ARHGAP20: variants seen among roughly 807,000 people sequenced by gnomAD.
ARHGAP20 encodes rho GTPase-activating protein 20.
Under a neutral mutation model 73.7 loss-of-function variants are expected in ARHGAP20, and 34 were observed. That is an observed-to-expected ratio of 0.46 (90% CI 0.35 to 0.61). The LOEUF is 0.61. Ranked by LOEUF, ARHGAP20 falls within the 20% of genes least tolerant of loss-of-function variation. The pLI, the probability that ARHGAP20 is intolerant of heterozygous loss-of-function variation, is 0.00. For synonymous variants in ARHGAP20, 523 were observed against 518.2 expected (o/e 1.01, Z -0.13); for missense variants, 1,314 against 1,420.9 (o/e 0.92, Z 1.21).
chr11:110,689,244 G>A (rs1024405088), intron 2 of ARHGAP20, among the ~76,000 whole-genome samples: 2 of 151,654 alleles, frequency 1.3e-5, no homozygotes, highest in African/African-American at 2.4e-5. Flanking sequence ...CTCGTGACCC[G>A]CCCGCCTTGG....
chr11:110,630,232 C>CCTATA (rs1357913102), intron 3 of ARHGAP20, among the ~76,000 whole-genome samples: 1 of 152,148 alleles, frequency 6.6e-6, no homozygotes, highest in East Asian at 1.9e-4. Flanking sequence ...CCTGACTACA[C>CCTATA]CTACCTAACA....
chr11:110,708,033 T>C (rs1950581055), intron 1 of ARHGAP20, among the ~76,000 whole-genome samples: 1 of 151,916 alleles, frequency 6.6e-6, no homozygotes, highest in South Asian at 2.1e-4. Flanking sequence ...TTTTGAAAGA[T>C]ACTCTTAAGA....
chr11:110,661,794 G>A (rs1033130539), intron 2 of ARHGAP20, among the ~76,000 whole-genome samples: 1 of 152,136 alleles, frequency 6.6e-6, no homozygotes, highest in African/African-American at 2.4e-5. Flanking sequence ...TACGTCACTA[G>A]CAAGAATGGG....
At chr11:110,687,035 CATATATAT>C (rs142490183) in intron 2 of ARHGAP20, among the ~76,000 whole-genome samples, 1,564 of 122,014 alleles carry the variant, frequency 0.013, 40 homozygotes, top group South Asian at 0.02. Context: ...AAGATTAAAA[CATATATAT>C]ATATATATAT....
At position 110,582,441 on chromosome 11, in the gene ARHGAP20, A is replaced by T; in HGVS notation, c.1606-6T>A. The T allele has an allele frequency of 6.5e-7, 1 of 1,545,380 alleles. No individual in the cohort carries two copies. The highest frequency in any genetic ancestry group is 8.9e-7 in the Non-Finnish European group (1 of 1,118,508). On this transcript the variant is annotated splice_region_variant and splice_polypyrimidine_tract_variant and intron_variant, in intron 13 of 14. Coordinates refer to ENST00000683387, the MANE Select transcript of ARHGAP20 (RefSeq NM_001384657.1). ...AATTGTATAAGCAGGGAAACCTGTA[A>T]GAAAAAGGACAAACGAAGTATTACT...
chr11:110,580,992 T>C lies in ARHGAP20; in HGVS notation c.1954A>G (p.Lys652Glu), dbSNP rs1325293656. 6.2e-7 allele frequency: 1 copy of C among 1,614,098 alleles called. No individual in the cohort carries two copies. Among genetic ancestry groups the C allele is most frequent in the African/African-American group, 1.3e-5 (1 of 74,932 alleles). The change falls in exon 15 of 15, where the codon AAA becomes GAA. Residue 652 changes from lysine to glutamate, a missense_variant. Coordinates refer to ENST00000683387, the MANE Select transcript of ARHGAP20 (RefSeq NM_001384657.1). The part of the protein sequence containing the change: ...AHSKDEDVQM[K>E]RPLESKPVNI... ...ACCGGCTTGGATTCAAGAGGCCGTT[T>C]CATTTGAACATCTTCATCTTTAGAA...
rs112422197 is a variant in ARHGAP20 at position 110,639,246 on chromosome 11, C to G, written c.189-8454G>C. Reference sequence around the variant, plus strand: ...CTCATATTTTATTCGATACCCCCCCCCCACAAGAGTTTTAAAAAACATTTG... The same window carrying G: ...CTCATATTTTATTCGATACCCCCCCGCCACAAGAGTTTTAAAAAACATTTG... On this transcript the variant is annotated intron_variant, in intron 2 of 14. Coordinates refer to ENST00000683387, the MANE Select transcript of ARHGAP20 (RefSeq NM_001384657.1). Among the ~76,000 whole-genome samples, 46 of 150,494 alleles carry G rather than the reference C, an allele frequency of 3.1e-4. 1 individual carries two copies. The highest frequency in any genetic ancestry group is 2.6e-3 in the Admixed American group (39 of 15,164).
intron 9 of ARHGAP20, among the ~76,000 whole-genome samples, chr11:110,604,222 T>C (rs1948171737): frequency 6.6e-6 from 1 of 152,172 alleles, no homozygotes. Context: ...TCAAATTCTT[T>C]TGTATTTAAA....
At chr11:110,634,473 T>A (rs1212324921) in intron 2 of ARHGAP20, among the ~76,000 whole-genome samples, 1 of 152,140 alleles carries the variant, frequency 6.6e-6, no homozygotes, top group Non-Finnish European at 1.5e-5. Flanking sequence ...TATGGTTTCA[T>A]GTACTTTAAA....
intron 2 of ARHGAP20, among the ~76,000 whole-genome samples, chr11:110,667,857 T>A (rs1949755427): frequency 6.6e-6 from 1 of 152,166 alleles, no homozygotes; most frequent in African/African-American, 2.4e-5. Flanking sequence ...AACAGCAAGA[T>A]AATTAGAAGT....
chr11:110,684,507 TG>T (rs1442121706), intron 2 of ARHGAP20, among the ~76,000 whole-genome samples: 2 of 152,128 alleles, frequency 1.3e-5, no homozygotes, highest in African/African-American at 4.8e-5. Flanking sequence ...AAAAATAGTA[TG>T]GCAAATTTTC....
intron 2 of ARHGAP20, among the ~76,000 whole-genome samples, chr11:110,676,891 T>C (rs1322468704): frequency 2.0e-5 from 3 of 152,140 alleles, no homozygotes; most frequent in Admixed American, 1.3e-4. Context: ...ATGTATACAA[T>C]GTGGAATGGT....
chr11:110,589,142 T>C (rs1051887504), intron 11 of ARHGAP20, among the ~76,000 whole-genome samples: 1 of 152,210 alleles, frequency 6.6e-6, no homozygotes, highest in African/African-American at 2.4e-5. Flanking sequence ...AAAAGGAAAA[T>C]TTATCATGCA....
rs1947411132 is a variant in ARHGAP20 at position 110,580,190 on chromosome 11, G to C, written c.2756C>G (p.Thr919Ser). Residue 919 changes from threonine (T) to serine (S), a missense_variant, in exon 15 of 15, where the codon ACT becomes AGT. Thr to Ser is a moderately conservative substitution (Grantham distance 58). Coordinates refer to ENST00000683387, the MANE Select transcript of ARHGAP20 (RefSeq NM_001384657.1). ...TAATCTTGGGGGTAAAACCTTCTCA[G>C]TGTTTTGGTTTGTGGCACTACTCTT... ...VGKSSATNQN[T>S]EKVLPPRLNL... 6.2e-7 allele frequency: 1 copy of C among 1,614,094 alleles called. No homozygotes were observed. The highest frequency in any genetic ancestry group is 8.5e-7 in the Non-Finnish European group (1 of 1,180,052).
At chr11:110,708,192 A>G (rs1950583845) in intron 1 of ARHGAP20, among the ~76,000 whole-genome samples, 1 of 152,164 alleles carries the variant, frequency 6.6e-6, no homozygotes, top group South Asian at 2.1e-4. Flanking sequence ...TGCAAATCAA[A>G]ACCATTAGAT....
chr11:110,578,719 A>C lies in ARHGAP20; in HGVS notation c.*651T>G. 4 of 985,400 alleles carry C rather than the reference A, an allele frequency of 4.1e-6. No individual in the cohort carries two copies. The highest frequency in any genetic ancestry group is 4.8e-6 in the Non-Finnish European group (4 of 829,926). The allele number at this position is 985,400 out of a possible 1,614,324, so 61.0% of individuals were successfully genotyped here. On this transcript the variant is annotated 3_prime_UTR_variant, in exon 15 of 15. Coordinates refer to ENST00000683387, the MANE Select transcript of ARHGAP20 (RefSeq NM_001384657.1). ...AAAAACAAACCGACAAATACAACCA[A>C]CAAAACTGATATCATGGTACCCATG...
chr11:110,617,750 G>T (rs1948515543), intron 4 of ARHGAP20, among the ~76,000 whole-genome samples: 2 of 151,890 alleles, frequency 1.3e-5, no homozygotes, highest in Non-Finnish European at 2.9e-5. Context: ...TTAATCTCAG[G>T]CATTTTTACA....
rs6589155 is a variant in ARHGAP20 at position 110,609,120 on chromosome 11, T to A, written c.709-70A>T. On this transcript the variant is annotated intron_variant, in intron 7 of 14. Coordinates refer to ENST00000683387, the MANE Select transcript of ARHGAP20 (RefSeq NM_001384657.1). ...TGATACTTGAATGAGGACACATTTT[T>A]TTTTTTTGGTTATGTGTCCTCCCTC... is the stretch of plus-strand genomic sequence containing the variant. 3.6e-3 allele frequency: 5,284 copies of A among 1,457,698 alleles called. 191 individuals are homozygous for A. In the African/African-American group the frequency reaches 0.068, roughly 19 times the overall value. 90.3% of individuals were successfully genotyped at this position (1,457,698 alleles called of 1,614,324 possible).
intron 14 of ARHGAP20, 110 bp downstream of exon 14, chr11:110,582,211 G>T: frequency 1.1e-6 from 1 of 878,484 alleles, no homozygotes. Flanking sequence ...TGGATCAGAG[G>T]CTCCTTTCAC....
Sources: allele counts gnomAD v4.1 joint callset (sites outside exome capture counted in the v4.1 genomes callset), GRCh38; gene constraint gnomAD v4.1.1; transcripts MANE v1.5; gene names NCBI Gene and HGNC (gene_info 2026-07-23, HGNC 2026-07-21).